The following ADAMTSL1 variants were observed in gnomAD, a reference collection of about 807,000 sequenced individuals.
ADAMTSL1 encodes the protein ADAMTS-like protein 1.
Under a neutral mutation model 201.8 loss-of-function variants are expected in ADAMTSL1, and 126 were observed. The observed-to-expected ratio is 0.62, with a 90% CI of 0.54 to 0.72. ADAMTSL1 has a LOEUF of 0.72. Among genes scored for constraint, ADAMTSL1 ranks in the 30% least tolerant of loss-of-function variants. ADAMTSL1 has a pLI of 0.00. For missense variants in ADAMTSL1, 2,679 were observed against 2,277.8 expected (o/e 1.18, Z -3.59); for synonymous variants, 1,121 against 903.4 (o/e 1.24, Z -4.32).
At chr9:18,449,580 C>T (rs1385748056) in intron 2 of ADAMTSL1, among the ~76,000 whole-genome samples, 1 of 152,066 alleles carries the variant, frequency 6.6e-6, no homozygotes, top group African/African-American at 2.4e-5. Context: ...TTATCACATC[C>T]TGTGTTTTAA....
chr9:17,914,696 A>G (rs1179785278), intron 1 of ADAMTSL1, among the ~76,000 whole-genome samples: 1 of 151,836 alleles, frequency 6.6e-6, no homozygotes, highest in Admixed American at 6.6e-5. Flanking sequence ...AGAAGGAAAT[A>G]AACGGTATTC....
At chr9:18,732,561 C>G (rs1471556490) in intron 15 of ADAMTSL1, among the ~76,000 whole-genome samples, 3 of 152,142 alleles carry the variant, frequency 2.0e-5, no homozygotes, top group African/African-American at 7.2e-5. Flanking sequence ...AGGTGTGATC[C>G]TGAAATGAGC....
chr9:18,470,413 G>A (rs940263151), upstream of ADAMTSL1, among the ~76,000 whole-genome samples: 5 of 152,088 alleles, frequency 3.3e-5, no homozygotes, highest in Admixed American at 6.5e-5. Flanking sequence ...TATCTTAGTC[G>A]CCCTTACTTT....
chr9:18,183,104 T>A (rs1828574702), intron 2 of ADAMTSL1, among the ~76,000 whole-genome samples: 1 of 152,154 alleles, frequency 6.6e-6, no homozygotes, highest in African/African-American at 2.4e-5. Flanking sequence ...TGATCTTTGA[T>A]AAAGGAGCAA....
At chr9:18,577,010 G>T (rs1378006178) in intron 4 of ADAMTSL1, among the ~76,000 whole-genome samples, 1 of 151,984 alleles carries the variant, frequency 6.6e-6, no homozygotes. Context: ...ATTTGGTAAT[G>T]GTCCCCAGAT....
At chr9:18,565,163 C>G (rs1002398029) in intron 3 of ADAMTSL1, among the ~76,000 whole-genome samples, 1 of 152,200 alleles carries the variant, frequency 6.6e-6, no homozygotes. Flanking sequence ...TCACACATTT[C>G]ATATCTTTTA....
intron 1 of ADAMTSL1, among the ~76,000 whole-genome samples, chr9:17,932,365 G>C (rs1330961588): frequency 6.6e-6 from 1 of 152,132 alleles, no homozygotes; most frequent in Non-Finnish European, 1.5e-5. Context: ...TAGGGTGTTT[G>C]GTTCTGTGAG....
chr9:18,706,564 A>C, intron 13 of ADAMTSL1, 183 bp from the exon 14 acceptor site: 1 of 602,862 alleles, frequency 1.7e-6, no homozygotes, highest in East Asian at 2.8e-5. Context: ...GCAACCCAGA[A>C]ACAGTGGCAA....
At chr9:18,432,961 G>A (rs942330796) in intron 2 of ADAMTSL1, among the ~76,000 whole-genome samples, 2 of 152,060 alleles carry the variant, frequency 1.3e-5, no homozygotes, top group Non-Finnish European at 2.9e-5. Context: ...GTTTTAATTT[G>A]CATTTACTCA....
At chr9:18,452,158 C>A (rs928735627) in intron 2 of ADAMTSL1, among the ~76,000 whole-genome samples, 2 of 152,142 alleles carry the variant, frequency 1.3e-5, no homozygotes, top group African/African-American at 4.8e-5. Context: ...GGTGATCCAC[C>A]CGCCTCAGCC....
At chr9:17,994,452 C>A (rs1011477362) in intron 1 of ADAMTSL1, among the ~76,000 whole-genome samples, 1 of 152,138 alleles carries the variant, frequency 6.6e-6, no homozygotes, top group Non-Finnish European at 1.5e-5. Context: ...AAGACATTTT[C>A]ATTGGGAATT....
chr9:17,993,714 C>T (rs1238255549), intron 1 of ADAMTSL1, among the ~76,000 whole-genome samples: 1 of 152,146 alleles, frequency 6.6e-6, no homozygotes, highest in African/African-American at 2.4e-5. Context: ...TACAGAGTAT[C>T]ATTTGGATGT....
intron 2 of ADAMTSL1, among the ~76,000 whole-genome samples, chr9:18,308,988 T>C (rs551885285): frequency 1.3e-5 from 2 of 152,266 alleles, no homozygotes; most frequent in African/African-American, 4.8e-5. Flanking sequence ...TTATCCACCA[T>C]GATCAAGTCA....
At chr9:18,166,772 A>G (rs903002638) in intron 2 of ADAMTSL1, among the ~76,000 whole-genome samples, 1 of 151,988 alleles carries the variant, frequency 6.6e-6, no homozygotes, top group African/African-American at 2.4e-5. Flanking sequence ...AGTTTCTTTC[A>G]AAAATGTAAA....
intron 1 of ADAMTSL1, among the ~76,000 whole-genome samples, chr9:17,994,550 G>A (rs1819296339): frequency 1.3e-5 from 2 of 152,016 alleles, no homozygotes; most frequent in African/African-American, 2.4e-5. Flanking sequence ...GTACTTTTTG[G>A]TCATTCTTTT....
At chr9:18,879,310 C>A (rs1418482553) in intron 23 of ADAMTSL1, among the ~76,000 whole-genome samples, 1 of 152,198 alleles carries the variant, frequency 6.6e-6, no homozygotes, top group Non-Finnish European at 1.5e-5. Flanking sequence ...GACCAGAGAA[C>A]CCTACTGAAA....
chr9:18,399,284 T>TATATATATATATATATATATAC, intron 2 of ADAMTSL1, among the ~76,000 whole-genome samples: 1 of 36,560 alleles, frequency 2.7e-5, no homozygotes, highest in South Asian at 1.0e-3. Context: ...GCTTTACATA[T>TATATATATATATATATATATAC]ATATATATAT....
intron 2 of ADAMTSL1, among the ~76,000 whole-genome samples, chr9:18,350,050 T>G (rs1020695405): frequency 3.4e-4 from 51 of 151,528 alleles, no homozygotes; most frequent in Admixed American, 8.6e-4. Context: ...CAGCCAGAAA[T>G]GGAAAAATAC....
intron 1 of ADAMTSL1, among the ~76,000 whole-genome samples, chr9:18,502,424 A>G (rs890795404): frequency 1.2e-4 from 18 of 152,226 alleles, no homozygotes; most frequent in African/African-American, 4.3e-4. Context: ...TGCGGCAAAC[A>G]AAGAGTTAGA....
Sources: gnomAD v4.1 joint callset for allele counts (sites outside exome capture counted in the v4.1 genomes callset) on GRCh38, gnomAD v4.1.1 for gene constraint, MANE v1.5 for transcripts, NCBI Gene and HGNC (gene_info 2026-07-23, HGNC 2026-07-21) for gene names.